ZNF48: variants seen among roughly 807,000 people sequenced by gnomAD.
ZNF48 encodes zinc finger protein 553.
In ZNF48, 20 loss-of-function variants were observed where a neutral mutation model predicts 40.0. That is an observed-to-expected ratio of 0.50 (90% CI 0.35 to 0.73). The LOEUF (loss-of-function observed/expected upper bound fraction) is 0.73, where lower values mean the gene tolerates loss of function less well. Among genes scored for constraint, ZNF48 ranks in the 30% least tolerant of loss-of-function variants. The pLI, the probability that ZNF48 is intolerant of heterozygous loss-of-function variation, is 0.01. For synonymous variants in ZNF48, 298 were observed against 329.7 expected (o/e 0.90, Z 1.04); for missense variants, 726 against 851.9 (o/e 0.85, Z 1.84).
chr16:30,379,625 T>A, intron 1 of ZNF48: 5 of 590,214 alleles, frequency 8.5e-6, no homozygotes, highest in Non-Finnish European at 1.5e-5. Context: ...CCTCCTCTGC[T>A]TCCTGCCCCT....
At position 30,397,418 on chromosome 16, in the gene ZNF48, G is replaced by T; in HGVS notation, c.168G>T (p.Leu56Phe). ...EDDLGFKEEDLAPDHEVGNAS... is the reference protein window; with the variant it reads ...EDDLGFKEEDFAPDHEVGNAS... Reference sequence around the variant, plus strand: ...ACTTGGGGTTCAAGGAAGAAGATTTGGCTCCAGATCATGAAGTAGGAAATG... The same window carrying T: ...ACTTGGGGTTCAAGGAAGAAGATTTTGCTCCAGATCATGAAGTAGGAAATG... Residue 56 changes from leucine (L) to phenylalanine (F), a missense_variant, in exon 3 of 3, where the codon TTG (leucine) becomes TTT (phenylalanine). Physicochemically the swap from Leu to Phe is conservative, Grantham distance 22. Around this residue, in one of 5 missense-constraint regions of ZNF48, gnomAD observed 151 missense variants for 162.3 expected, o/e 0.93. Coordinates refer to ENST00000613509, the MANE Select transcript of ZNF48 (RefSeq NM_001214909.2). This position sits in a 1 kb window ranked among gnomAD's most constrained non-coding sequence, Gnocchi z 4.1. 1 of 1,614,074 alleles carries T rather than the reference G, an allele frequency of 6.2e-7. No individual in the cohort carries two copies. Among genetic ancestry groups the T allele is most frequent in the South Asian group, 1.1e-5 (1 of 91,076 alleles).
In ZNF48 at chr16:30,395,790, C is replaced by T. The variant is rs1166331139; in HGVS notation, c.-5C>T. On this transcript the variant is annotated 5_prime_UTR_variant, in exon 2 of 3. Transcript: ENST00000613509. This position sits in a 1 kb window ranked among gnomAD's most constrained non-coding sequence, Gnocchi z 5.9. ...TGTCCCCTTGCTCAGGGCGGCGTGC[C>T]GGCGATGGAGCGCGCGGTAGAGCCT... The T allele has an allele frequency of 1.9e-6, 3 of 1,538,646 alleles. No homozygotes were observed. The highest frequency in any genetic ancestry group is 2.6e-6 in the Non-Finnish European group (3 of 1,145,452).
At position 30,397,479 on chromosome 16, in the gene ZNF48, G is replaced by A. The variant is rs1286078820; in HGVS notation, c.229G>A (p.Asp77Asn). The A allele has an allele frequency of 6.2e-7, 1 of 1,614,050 alleles. No individual in the cohort carries two copies. The highest frequency in any genetic ancestry group is 8.5e-7 in the Non-Finnish European group (1 of 1,180,044). Residue 77 changes from aspartate to asparagine, a missense_variant, in exon 3 of 3, where the codon GAC (aspartate) becomes AAC (asparagine). By Grantham distance (23) the Asp-to-Asn change is conservative (BLOSUM62 1). Transcript: ENST00000613509. The surrounding 1 kb of genome is among the most constrained non-coding windows in gnomAD (Gnocchi z 4.1). ...LKPEGIQNWD[D>N]LWVQREGLGK... The stretch of plus-strand genomic sequence containing the variant: ...ACCTGAAGGCATCCAGAACTGGGAT[G>A]ACTTATGGGTCCAGAGAGAGGGTCT...
chr16:30,388,503 C>T (rs1171094978), intron 1 of ZNF48, among the ~76,000 whole-genome samples: 2 of 152,128 alleles, frequency 1.3e-5, no homozygotes, highest in African/African-American at 2.4e-5. Flanking sequence ...ACAGCCACTG[C>T]ACCCGGCCCA....
intron 1 of ZNF48, among the ~76,000 whole-genome samples, chr16:30,387,418 G>A (rs2049910449): frequency 6.8e-6 from 1 of 147,440 alleles, no homozygotes. Context: ...AGCCAGGCAT[G>A]GTGGCGCATG....
rs1379236815 is a variant in ZNF48, at chr16:30,382,622, G to A, written c.-16+4212G>A. 9.7e-6 allele frequency: 15 copies of A among 1,547,610 alleles called. No individual in the cohort carries two copies. The East Asian group carries it at 2.9e-4, about 30-fold the overall frequency. On this transcript the variant is annotated intron_variant, in intron 1 of 2. Coordinates refer to the ZNF48 transcript ENST00000528032. This position sits in a 1 kb window ranked among gnomAD's most constrained non-coding sequence, Gnocchi z 4.8. ...GGCTAACAAGGGGGCGGGCAGAAGAGGCAGCTGAGATGCTCAAACTGGCCC... is the reference window on the plus strand; with the variant it reads ...GGCTAACAAGGGGGCGGGCAGAAGAAGCAGCTGAGATGCTCAAACTGGCCC...
In ZNF48 at chr16:30,399,688, G is replaced by C. The variant is rs940057861; in HGVS notation, c.*581G>C. On this transcript the variant is annotated 3_prime_UTR_variant, in exon 3 of 3. Transcript: ENST00000613509. The stretch of plus-strand genomic sequence containing the variant: ...GCAGGGGTATCTTGATCATCCGGAT[G>C]GGGCAAATACTGCTGTGTGGCATGG... 3 of 153,116 alleles carry C rather than the reference G, an allele frequency of 2.0e-5. No individual in the cohort carries two copies. 9.5% of individuals were successfully genotyped at this position (153,116 alleles called of 1,614,324 possible).
rs1035362630 is a variant in ZNF48, at chr16:30,399,804, G to C, written c.*697G>C. On this transcript the variant is annotated 3_prime_UTR_variant, in exon 3 of 3. Transcript: ENST00000613509. ...CAACCCACCCTGACACGGAGACACT[G>C]GCAGAATAGACCAGAGACAGAAGGT... 1.3e-5 allele frequency: 2 copies of C among 152,434 alleles called. No individual in the cohort carries two copies. Among genetic ancestry groups the C allele is most frequent in the African/African-American group, 4.8e-5 (2 of 41,450 alleles). 9.4% of individuals were successfully genotyped at this position (152,434 alleles called of 1,614,324 possible). A position where few individuals can be genotyped will look rare whatever the true frequency, so the allele number is the denominator to read the frequency against.
Position 30,398,784 on chromosome 16 carries a change from T to C in ZNF48, c.1534T>C (p.Ser512Pro). The change falls in exon 3 of 3, where the codon TCC (serine) becomes CCC (proline). Residue 512 changes from serine to proline, a missense_variant. Physicochemically the swap from Ser to Pro is moderately conservative, Grantham distance 74 (BLOSUM62 -1). Coordinates refer to ENST00000613509, the MANE Select transcript of ZNF48 (RefSeq NM_001214909.2). The surrounding 1 kb of genome is among the most constrained non-coding windows in gnomAD (Gnocchi z 6.6). ...TGAACGGGCCCGGCCACCACCACCA[T>C]CCACTCTGCTGCGGCCACATAACCC... is the stretch of plus-strand genomic sequence containing the variant. ...RGERARPPPP[S>P]TLLRPHNPPG... is the part of the protein sequence containing the mutation. The C allele has an allele frequency of 6.2e-7, 1 of 1,613,650 alleles. No individual in the cohort carries two copies. The highest frequency in any genetic ancestry group is 8.5e-7 in the Non-Finnish European group (1 of 1,179,972).
intron 1 of ZNF48, chr16:30,378,584 C>T (rs1455683259): frequency 6.2e-7 from 1 of 1,609,180 alleles, no homozygotes; most frequent in Non-Finnish European, 8.5e-7. Flanking sequence ...GGGCATCGGT[C>T]GGGGGGAAGC....
chr16:30,395,516 C>T lies in ZNF48; in HGVS notation c.-78C>T, dbSNP rs1188131048. 9.7e-6 allele frequency: 3 copies of T among 309,302 alleles called. No homozygotes were observed. Among genetic ancestry groups the T allele is most frequent in the East Asian group, 1.5e-4 (1 of 6,574 alleles). 19.2% of individuals were successfully genotyped at this position (309,302 alleles called of 1,614,324 possible). A position where few individuals can be genotyped will look rare whatever the true frequency, so the allele number is the denominator to read the frequency against. On this transcript the variant is annotated 5_prime_UTR_variant, in exon 1 of 3. Coordinates refer to ENST00000613509, the MANE Select transcript of ZNF48 (RefSeq NM_001214909.2). This position sits in a 1 kb window ranked among gnomAD's most constrained non-coding sequence, Gnocchi z 5.9. Reference sequence around the variant, plus strand: ...CCCGGAGCCGCTGGCGGCTCGGGCGCCTGCACCCCGCTGAGGAGCTCCGGA... The same window carrying T: ...CCCGGAGCCGCTGGCGGCTCGGGCGTCTGCACCCCGCTGAGGAGCTCCGGA...
chr16:30,379,025 T>A (rs2049798918), intron 1 of ZNF48: 1 of 1,612,716 alleles, frequency 6.2e-7, no homozygotes, highest in Non-Finnish European at 8.5e-7. Context: ...CACCTGCGGC[T>A]GGCTCGATCG....
At chr16:30,380,134 CAG>C (rs1197485441) in intron 1 of ZNF48, 3 of 932,444 alleles carry the variant, frequency 3.2e-6, no homozygotes, top group African/African-American at 1.7e-5. Context: ...TGGTCAGAGA[CAG>C]AGAGAAAGAC....
intron 1 of ZNF48, chr16:30,379,533 T>C (rs755635579): frequency 2.9e-5 from 47 of 1,612,790 alleles, no homozygotes; most frequent in Admixed American, 5.0e-5. Flanking sequence ...AGGGATGCTT[T>C]CCTGGAGGGC....
chr16:30,387,621 C>T (rs1451228712), intron 1 of ZNF48, among the ~76,000 whole-genome samples: 6 of 150,814 alleles, frequency 4.0e-5, no homozygotes, highest in East Asian at 2.0e-4. Flanking sequence ...TACAATGGCG[C>T]GATCTCGGCT....
At chr16:30,379,081 C>T (rs538400178) in intron 1 of ZNF48, 1 of 1,613,936 alleles carries the variant, frequency 6.2e-7, no homozygotes, top group Non-Finnish European at 8.5e-7. Context: ...GGCCCGGTAG[C>T]CCTCGTAGAG....
chr16:30,388,739 C>G (rs1310213522), intron 1 of ZNF48, among the ~76,000 whole-genome samples: 1 of 151,340 alleles, frequency 6.6e-6, no homozygotes, highest in Admixed American at 6.6e-5. Context: ...AAAAAAAATA[C>G]AAAAATTAGC....
At chr16:30,387,127 T>C (rs2049907063) in intron 1 of ZNF48, among the ~76,000 whole-genome samples, 1 of 150,262 alleles carries the variant, frequency 6.7e-6, no homozygotes, top group Admixed American at 6.6e-5. Flanking sequence ...GTATTTTTAG[T>C]AGAGACAGGG....
intron 1 of ZNF48, chr16:30,378,785 G>T: frequency 7.3e-7 from 1 of 1,369,882 alleles, no homozygotes; most frequent in Non-Finnish European, 1.0e-6. Context: ...CTGGGGCGAG[G>T]TTGGGGTCTA....
Sources: allele counts gnomAD v4.1 joint callset (sites outside exome capture counted in the v4.1 genomes callset), GRCh38; gene constraint gnomAD v4.1.1; regional missense constraint gnomAD v4.1.1; non-coding constraint Gnocchi (gnomAD v3.1); transcripts MANE v1.5; gene names NCBI Gene and HGNC (gene_info 2026-07-23, HGNC 2026-07-21).